APBB1IP: variants seen among roughly 807,000 people sequenced by gnomAD.
APBB1IP encodes amyloid beta A4 precursor protein-binding family B member 1-interacting protein.
Under a neutral mutation model 64.9 loss-of-function variants are expected in APBB1IP, and 27 were observed. The observed-to-expected ratio is 0.42, with a 90% CI of 0.31 to 0.57. The LOEUF (loss-of-function observed/expected upper bound fraction) is 0.57. APBB1IP is among the 20% of genes least tolerant of loss of function. The probability of loss-of-function intolerance (pLI) is 0.20; values close to 1 mark genes in which losing one functional copy is unlikely to be tolerated. For synonymous variants in APBB1IP, 392 were observed against 331.0 expected (o/e 1.18, Z -2.00); for missense variants, 812 against 845.5 (o/e 0.96, Z 0.49).
At chr10:26,456,274 T>C (rs541318765) in intron 2 of APBB1IP, among the ~76,000 whole-genome samples, 1 of 152,252 alleles carries the variant, frequency 6.6e-6, no homozygotes, top group Admixed American at 6.5e-5. Context: ...CACGGGAAAA[T>C]GGATGCACTA....
chr10:26,500,996 GA>G lies in APBB1IP; in HGVS notation c.340del (p.Thr114GlnfsTer24). 6.2e-7 allele frequency: 1 copy of G among 1,614,112 alleles called. No individual in the cohort carries two copies. Among genetic ancestry groups the G allele is most frequent in the Non-Finnish European group, 8.5e-7 (1 of 1,180,026 alleles). On this transcript the variant is annotated frameshift_variant, in exon 5 of 15. Transcript: ENST00000376236. LOFTEE classifies it high-confidence loss of function. ...AGTGGTGCAGCCTCTCTTGGTTATGGAACAAATGTTGCTGCCACTGGTATCA... is the reference window on the plus strand; with the variant it reads ...AGTGGTGCAGCCTCTCTTGGTTATGGACAAATGTTGCTGCCACTGGTATCA... ...IFSGAASLGY[G>X]TNVAATGISQ...
intron 8 of APBB1IP, among the ~76,000 whole-genome samples, chr10:26,519,255 C>T (rs1305483587): frequency 6.6e-6 from 1 of 152,152 alleles, no homozygotes; most frequent in African/African-American, 2.4e-5. Context: ...CGTGCCACTG[C>T]ACTCCAGCCT....
At chr10:26,556,874 A>G (rs564220559) in intron 11 of APBB1IP, among the ~76,000 whole-genome samples, 2 of 152,332 alleles carry the variant, frequency 1.3e-5, no homozygotes, top group Admixed American at 6.5e-5. Flanking sequence ...CCTCTCTTAC[A>G]TGACAATCAG....
chr10:26,515,120 A>G (rs1196259373), intron 8 of APBB1IP, among the ~76,000 whole-genome samples: 1 of 149,002 alleles, frequency 6.7e-6, no homozygotes, highest in Non-Finnish European at 1.5e-5. Context: ...TGACCTCGTG[A>G]TCCGCCCGCC....
At chr10:26,537,034 T>C (rs1836633697) in intron 10 of APBB1IP, among the ~76,000 whole-genome samples, 1 of 152,166 alleles carries the variant, frequency 6.6e-6, no homozygotes. Flanking sequence ...ATTTAACTTT[T>C]ACTTGGTGAT....
chr10:26,484,497 G>T (rs1835869957), intron 2 of APBB1IP, among the ~76,000 whole-genome samples: 1 of 152,034 alleles, frequency 6.6e-6, no homozygotes, highest in African/African-American at 2.4e-5. Context: ...TAGAGACAGG[G>T]TTTCACCATG....
intron 4 of APBB1IP, among the ~76,000 whole-genome samples, 186 bp from the exon 5 acceptor site, chr10:26,500,633 G>A (rs1463599183): frequency 6.6e-6 from 1 of 152,152 alleles, no homozygotes; most frequent in African/African-American, 2.4e-5. Context: ...AACAAATGCA[G>A]CAACAGTTCT....
At chr10:26,479,414 G>C (rs980485929) in intron 2 of APBB1IP, among the ~76,000 whole-genome samples, 1 of 151,942 alleles carries the variant, frequency 6.6e-6, no homozygotes, top group African/African-American at 2.4e-5. Flanking sequence ...TCATGGCTGG[G>C]ATAGGAGACA....
chr10:26,464,827 C>T (rs1376475590), intron 2 of APBB1IP, among the ~76,000 whole-genome samples: 2 of 152,220 alleles, frequency 1.3e-5, no homozygotes, highest in Non-Finnish European at 2.9e-5. Context: ...GAGTTTGACT[C>T]ATTCAGTTAC....
At chr10:26,503,357 C>T (rs560569679) in intron 6 of APBB1IP, 83 bp downstream of exon 6, 212 of 1,407,680 alleles carry the variant, frequency 1.5e-4, no homozygotes, top group African/African-American at 1.3e-3. Context: ...AAAATAAAGC[C>T]GGGCGCGGTG....
chr10:26,558,121 C>T (rs1164240432), intron 11 of APBB1IP, among the ~76,000 whole-genome samples: 1 of 120,522 alleles, frequency 8.3e-6, no homozygotes, highest in Non-Finnish European at 1.7e-5. Context: ...GAGGTGGTAC[C>T]ATACCACACA....
chr10:26,546,145 G>A (rs1435736799), intron 11 of APBB1IP, among the ~76,000 whole-genome samples: 1 of 152,210 alleles, frequency 6.6e-6, no homozygotes, highest in Non-Finnish European at 1.5e-5. Flanking sequence ...ATCTTCAAGA[G>A]ATGAGAGCGT....
In APBB1IP at chr10:26,511,388, GAA is replaced by G. The variant is rs373055120; in HGVS notation, c.532-356_532-355del. ...AGATACAGACATAGCTTTTAATCTA[GAA>G]AAGTTTCTGGGCTCCAGGATGGAAT... is the stretch of plus-strand genomic sequence containing the variant. On this transcript the variant is annotated intron_variant, in intron 6 of 14. Transcript: ENST00000376236. Among the ~76,000 whole-genome samples, 37 of 152,216 alleles carry G rather than the reference GAA, an allele frequency of 2.4e-4. No homozygotes were observed. In the East Asian group the frequency reaches 6.4e-3, roughly 26 times the overall value.
chr10:26,505,582 C>T (rs949194946), intron 6 of APBB1IP, among the ~76,000 whole-genome samples: 5 of 151,974 alleles, frequency 3.3e-5, no homozygotes, highest in African/African-American at 9.7e-5. Context: ...TGGCATCAAG[C>T]GATCCTCCCA....
At chr10:26,529,122 C>T (rs1836516020) in intron 8 of APBB1IP, among the ~76,000 whole-genome samples, 1 of 152,192 alleles carries the variant, frequency 6.6e-6, no homozygotes, top group Non-Finnish European at 1.5e-5. Flanking sequence ...GAAAAGAGAG[C>T]AAGCTATGAC....
chr10:26,543,804 G>A (rs923256960), intron 11 of APBB1IP, among the ~76,000 whole-genome samples: 6 of 152,096 alleles, frequency 3.9e-5, no homozygotes, highest in African/African-American at 9.7e-5. Context: ...TGTGAATGAG[G>A]TGAGGGAGCA....
At chr10:26,530,489 A>C (rs1836537708) in intron 8 of APBB1IP, among the ~76,000 whole-genome samples, 1 of 152,002 alleles carries the variant, frequency 6.6e-6, no homozygotes, top group African/African-American at 2.4e-5. Context: ...CAGGAGATCG[A>C]GACCATCCTG....
intron 11 of APBB1IP, among the ~76,000 whole-genome samples, chr10:26,550,751 G>A (rs1836820305): frequency 6.6e-6 from 1 of 152,078 alleles, no homozygotes; most frequent in Non-Finnish European, 1.5e-5. Context: ...TGTCCATTTA[G>A]TGAGACCATG....
At chr10:26,461,776 A>G (rs930862246) in intron 2 of APBB1IP, among the ~76,000 whole-genome samples, 8 of 151,578 alleles carry the variant, frequency 5.3e-5, no homozygotes, top group African/African-American at 1.7e-4. Context: ...TATTTTTTCT[A>G]TCTTGAATTG....
Sources: gnomAD v4.1 joint callset for allele counts (sites outside exome capture counted in the v4.1 genomes callset) on GRCh38, gnomAD v4.1.1 for gene constraint, MANE v1.5 for transcripts, NCBI Gene and HGNC (gene_info 2026-07-23, HGNC 2026-07-21) for gene names.